MALRD1: variants seen among roughly 807,000 people sequenced by gnomAD.
The protein encoded by MALRD1 is MAM and LDL-receptor class A domain-containing protein 1.
A neutral mutation model predicts 242.1 loss-of-function variants in MALRD1; 247 were observed. That is an observed-to-expected ratio of 1.02 (90% CI 0.92 to 1.13). The LOEUF is 1.13. MALRD1 is among the 50% of genes most tolerant of loss of function. The pLI is 0.00. For missense variants in MALRD1, 2,989 were observed against 2,533.1 expected (o/e 1.18, Z -3.86); for synonymous variants, 995 against 866.6 (o/e 1.15, Z -2.60).
intron 21 of MALRD1, among the ~76,000 whole-genome samples, chr10:19,295,648 A>G (rs1841659909): frequency 6.6e-6 from 1 of 152,204 alleles, no homozygotes; most frequent in Admixed American, 6.6e-5. Context: ...GGCATAAACC[A>G]GACAGAAAGA....
At chr10:19,688,260 T>A (rs1229214255) in intron 36 of MALRD1, among the ~76,000 whole-genome samples, 1 of 151,102 alleles carries the variant, frequency 6.6e-6, no homozygotes, top group African/African-American at 2.4e-5. Context: ...CATGAGCCAC[T>A]GTGCCCGGCC....
rs143774782 is a variant in MALRD1 at position 19,418,480 on chromosome 10, A to G, written c.4845+28871A>G. 4.8e-3 allele frequency among the ~76,000 whole-genome samples: 737 copies of G among 152,280 alleles called. 5 individuals carry two copies. Among genetic ancestry groups the G allele is most frequent in the African/African-American group, 0.017 (700 of 41,572 alleles). ...TAAATGAACTCCAACAGCCACTGCT[A>G]TGCCTGACATGTAGTAACATTTTAA... On this transcript the variant is annotated intron_variant, in intron 28 of 39. Coordinates refer to ENST00000454679, the MANE Select transcript of MALRD1 (RefSeq NM_001142308.3).
chr10:19,662,299 G>C (rs1013140292), intron 36 of MALRD1, among the ~76,000 whole-genome samples: 1 of 152,048 alleles, frequency 6.6e-6, no homozygotes, highest in Non-Finnish European at 1.5e-5. Context: ...GAAGTTAAAG[G>C]ACCTTTAAGA....
At chr10:19,268,623 A>G (rs1353911240) in intron 19 of MALRD1, among the ~76,000 whole-genome samples, 2 of 152,206 alleles carry the variant, frequency 1.3e-5, no homozygotes, top group Non-Finnish European at 2.9e-5. Context: ...ATAAAGTACA[A>G]TGATTCATAT....
chr10:19,551,466 T>G (rs1420003479), intron 32 of MALRD1, among the ~76,000 whole-genome samples: 1 of 152,214 alleles, frequency 6.6e-6, no homozygotes, highest in Non-Finnish European at 1.5e-5. Context: ...ATCTTTAGAC[T>G]TTACTGAAGT....
chr10:19,723,882 C>T (rs894725068), intron 38 of MALRD1, among the ~76,000 whole-genome samples: 1 of 151,528 alleles, frequency 6.6e-6, no homozygotes, highest in Non-Finnish European at 1.5e-5. Flanking sequence ...TGGTGAATTT[C>T]ACTAAGCAGC....
chr10:19,238,521 TATATA>T (rs1838571832), intron 18 of MALRD1, among the ~76,000 whole-genome samples: 1 of 93,692 alleles, frequency 1.1e-5, no homozygotes, highest in African/African-American at 4.8e-5. Flanking sequence ...ATGTATATTA[TATATA>T]ATATACATTA....
intron 28 of MALRD1, among the ~76,000 whole-genome samples, chr10:19,439,583 G>A (rs183401518): frequency 9.9e-5 from 15 of 152,018 alleles, no homozygotes; most frequent in Admixed American, 3.3e-4. Flanking sequence ...AAATAAAACC[G>A]GTGCAGGAAC....
chr10:19,237,166 C>A (rs1190707161), intron 18 of MALRD1, among the ~76,000 whole-genome samples: 1 of 151,834 alleles, frequency 6.6e-6, no homozygotes, highest in Non-Finnish European at 1.5e-5. Flanking sequence ...CTTCTAGACA[C>A]TTTGTAATAT....
At chr10:19,446,151 A>G (rs1855151) in intron 28 of MALRD1, among the ~76,000 whole-genome samples, 106,800 of 151,866 alleles carry the variant, frequency 0.7, 37,640 homozygotes, top group Middle Eastern at 0.74. Context: ...CAGTATTAGC[A>G]TGGGAGTGTC....
chr10:19,696,167 C>G (rs568092847), intron 38 of MALRD1, among the ~76,000 whole-genome samples: 65 of 152,246 alleles, frequency 4.3e-4, no homozygotes, highest in African/African-American at 1.5e-3. Context: ...AGGCTGGGCT[C>G]ATGCAAGACT....
intron 38 of MALRD1, among the ~76,000 whole-genome samples, chr10:19,729,970 C>T (rs1290543637): frequency 1.3e-5 from 2 of 151,836 alleles, no homozygotes; most frequent in Non-Finnish European, 2.9e-5. Context: ...ATCTCCTGAC[C>T]TCGTGATCCG....
chr10:19,050,011 C>T lies in MALRD1; in HGVS notation c.199+874C>T, dbSNP rs148328888. Among the ~76,000 whole-genome samples, 789 of 151,770 alleles carry T rather than the reference C, an allele frequency of 5.2e-3. 5 individuals are homozygous for T. Among genetic ancestry groups the T allele is most frequent in the African/African-American group, 0.018 (765 of 41,380 alleles). On this transcript the variant is annotated intron_variant, in intron 1 of 39. Transcript: ENST00000454679. ...GGGGCTCATTGAGAGTTCATAGTAG[C>T]TATTGGTGCGGTTAATTATCCAGAG...
chr10:19,051,192 C>A (rs1227838439), intron 1 of MALRD1, among the ~76,000 whole-genome samples: 3 of 151,980 alleles, frequency 2.0e-5, no homozygotes, highest in African/African-American at 7.3e-5. Flanking sequence ...GAAGAAATAG[C>A]AATGGCCAAG....
intron 28 of MALRD1, among the ~76,000 whole-genome samples, chr10:19,422,580 T>C (rs769417060): frequency 1.2e-4 from 18 of 152,158 alleles, no homozygotes; most frequent in Non-Finnish European, 2.4e-4. Flanking sequence ...TAGAGTGAAA[T>C]TGAACAAATG....
chr10:19,479,956 C>G (rs767546366), intron 29 of MALRD1, among the ~76,000 whole-genome samples: 11 of 152,124 alleles, frequency 7.2e-5, no homozygotes, highest in Non-Finnish European at 1.5e-4. Flanking sequence ...AGAACTCAGC[C>G]TCATGATCTT....
intron 26 of MALRD1, among the ~76,000 whole-genome samples, chr10:19,381,344 A>G (rs1845830474): frequency 6.6e-6 from 1 of 151,526 alleles, no homozygotes; most frequent in African/African-American, 2.4e-5. Context: ...AGTCTTTGCT[A>G]TTGTGAATAA....
At chr10:19,665,178 T>C (rs1285963123) in intron 36 of MALRD1, among the ~76,000 whole-genome samples, 1 of 152,048 alleles carries the variant, frequency 6.6e-6, no homozygotes, top group Non-Finnish European at 1.5e-5. Flanking sequence ...TCAGAGGTGG[T>C]TAGAATTTAG....
intron 2 of MALRD1, among the ~76,000 whole-genome samples, chr10:19,076,596 C>T (rs1349840073): frequency 3.3e-5 from 5 of 152,094 alleles, no homozygotes; most frequent in African/African-American, 4.8e-5. Context: ...TTCATAGATG[C>T]GTTGGTTTAC....
Sources: allele counts gnomAD v4.1 joint callset (sites outside exome capture counted in the v4.1 genomes callset), GRCh38; gene constraint gnomAD v4.1.1; transcripts MANE v1.5; gene names NCBI Gene and HGNC (gene_info 2026-07-23, HGNC 2026-07-21).